Variants in KDM6A observed in about 807,000 individuals in gnomAD.
KDM6A encodes the protein lysine-specific demethylase 6A.
A neutral mutation model predicts 117.6 loss-of-function variants in KDM6A; 11 were observed. The observed-to-expected ratio is 0.09, with a 90% CI of 0.06 to 0.15. The LOEUF (loss-of-function observed/expected upper bound fraction) is 0.15, where lower values mean the gene tolerates loss of function less well. KDM6A is among the 10% of genes least tolerant of loss of function. KDM6A has a pLI of 1.00. For missense variants in KDM6A, 799 were observed against 1,077.3 expected, an observed-to-expected ratio of 0.74 and a Z score of 3.62; for synonymous variants, 384 against 396.1, an observed-to-expected ratio of 0.97 and a Z score of 0.36.
chrX:45,083,000 A>C (rs1476629198), intron 23 of KDM6A, among the ~76,000 whole-genome samples: 2 of 110,256 alleles, frequency 1.8e-5, no homozygotes, highest in African/African-American at 6.6e-5. Context: ...TGTGTTGCCC[A>C]GGCTTGTCTT....
chrX:45,062,618 A>G, intron 15 of KDM6A, 29 bp from the exon 16 acceptor site: 1 of 1,024,938 alleles, frequency 9.8e-7, no homozygotes, highest in African/African-American at 1.8e-5. Context: ...TATATCTTTG[A>G]CTATATTCTC....
intron 7 of KDM6A, among the ~76,000 whole-genome samples, chrX:45,035,221 AC>A (rs1243456389): frequency 1.8e-5 from 2 of 112,033 alleles, no homozygotes; most frequent in East Asian, 5.6e-4. Flanking sequence ...AAGTATCTTC[AC>A]TAATAAACAA....
intron 2 of KDM6A, among the ~76,000 whole-genome samples, chrX:44,944,074 G>A (rs997234050): frequency 9.0e-6 from 1 of 111,342 alleles, no homozygotes; most frequent in East Asian, 2.8e-4. Context: ...CATGTGGGCC[G>A]GGCATGGTGG....
At chrX:44,985,993 C>T (rs1038232598) in intron 4 of KDM6A, among the ~76,000 whole-genome samples, 2 of 111,806 alleles carry the variant, frequency 1.8e-5, no homozygotes, top group Admixed American at 9.5e-5. Flanking sequence ...GGTACCAGCT[C>T]GTCCTTGTAC....
rs1393617719 is a variant in KDM6A, at chrX:44,959,713, T to G, written c.226-1571T>G. Among the ~76,000 whole-genome samples the G allele has an allele frequency of 3.6e-5, 4 of 111,759 alleles. No homozygotes were observed. The Admixed American group carries it at 3.8e-4, about 11-fold the overall frequency. On this transcript the variant is annotated intron_variant, in intron 2 of 29. Coordinates refer to ENST00000611820, the MANE Select transcript of KDM6A (RefSeq NM_001291415.2). ...TATAAAGCACTGTAATAAATTGTAT[T>G]TTTATACTCTAGCCATCTGCCAGAT...
intron 3 of KDM6A, among the ~76,000 whole-genome samples, chrX:44,961,936 T>C (rs1449854010): frequency 1.8e-5 from 2 of 111,511 alleles, no homozygotes; most frequent in Non-Finnish European, 3.8e-5. Context: ...CCCCTAAGAT[T>C]TGCCCTTTTT....
intron 27 of KDM6A, among the ~76,000 whole-genome samples, chrX:45,093,374 C>T (rs1401718375): frequency 1.2e-5 from 1 of 85,808 alleles, no homozygotes; most frequent in Non-Finnish European, 2.3e-5. Context: ...GACTCTCTCT[C>T]AAAAAAAAAA....
chrX:44,987,308 C>T (rs1297924721), intron 4 of KDM6A, among the ~76,000 whole-genome samples: 2 of 111,329 alleles, frequency 1.8e-5, no homozygotes, highest in South Asian at 7.5e-4. Flanking sequence ...TGTCTCTGCA[C>T]ATGAGATGGG....
chrX:44,931,079 T>C (rs760265513), intron 2 of KDM6A, among the ~76,000 whole-genome samples: 2 of 111,118 alleles, frequency 1.8e-5, no homozygotes, highest in Non-Finnish European at 3.8e-5. Context: ...CTACTTTTTT[T>C]TTCTTTTTTT....
rs190501684 is a variant in KDM6A at position 44,888,358 on chromosome X, A to G, written c.225+14371A>G. Among the ~76,000 whole-genome samples the G allele has an allele frequency of 3.6e-5, 4 of 112,202 alleles. No homozygotes were observed. In the Admixed American group the frequency reaches 3.8e-4, roughly 11 times the overall value. ...GTTTTAGGACCTGCTGTGTATTTCA[A>G]TCACTTAATTTTTATGTTTCACCAG... On this transcript the variant is annotated intron_variant, in intron 2 of 29. Transcript: ENST00000611820.
chrX:44,987,964 G>T (rs112804775), intron 4 of KDM6A, among the ~76,000 whole-genome samples: 3 of 111,208 alleles, frequency 2.7e-5, no homozygotes, highest in African/African-American at 9.9e-5. Flanking sequence ...TGCCTTGCTA[G>T]ATTGTGGAAA....
chrX:44,929,248 T>G (rs905972873), intron 2 of KDM6A, among the ~76,000 whole-genome samples: 1 of 109,826 alleles, frequency 9.1e-6, no homozygotes, highest in African/African-American at 3.3e-5. Flanking sequence ...AGGGACTTTT[T>G]TTTTTTTTTT....
At chrX:44,964,693 T>C (rs1316964401) in intron 3 of KDM6A, among the ~76,000 whole-genome samples, 1 of 111,860 alleles carries the variant, frequency 8.9e-6, no homozygotes, top group Non-Finnish European at 1.9e-5. Context: ...TGAACAGATG[T>C]GCTGTCATTC....
rs907550347 is a variant in KDM6A, at chrX:44,980,245, C to T, written c.384+5530C>T. ...TCCTGGCCTCGTGATCCGCCTGCCT[C>T]GGCCTCCCAAAGTGCTGGGATTATA... On this transcript the variant is annotated intron_variant, in intron 4 of 29. Coordinates refer to ENST00000611820, the MANE Select transcript of KDM6A (RefSeq NM_001291415.2). Among the ~76,000 whole-genome samples, 39 of 111,261 alleles carry T rather than the reference C, an allele frequency of 3.5e-4. No individual in the cohort carries two copies. In the Admixed American group the frequency reaches 3.6e-3, roughly 10 times the overall value.
At chrX:44,942,921 CT>C (rs777549688) in intron 2 of KDM6A, among the ~76,000 whole-genome samples, 1 of 110,863 alleles carries the variant, frequency 9.0e-6, no homozygotes, top group East Asian at 2.8e-4. Context: ...TTAATTTCAA[CT>C]TTTAACTTGC....
chrX:45,087,753 T>A, intron 25 of KDM6A, among the ~76,000 whole-genome samples: 1 of 111,682 alleles, frequency 9.0e-6, no homozygotes, highest in East Asian at 2.8e-4. Flanking sequence ...AGAGGTGTCT[T>A]GGGAAAAAAG....
chrX:44,914,733 A>G (rs1380888729), intron 2 of KDM6A, among the ~76,000 whole-genome samples: 2 of 110,690 alleles, frequency 1.8e-5, no homozygotes, highest in African/African-American at 6.6e-5. Context: ...GATGTAATTC[A>G]AAGTTTTCTC....
chrX:44,889,079 A>G (rs112861261), intron 2 of KDM6A, among the ~76,000 whole-genome samples: 19,145 of 111,345 alleles, frequency 0.17, 2,367 homozygotes, highest in African/African-American at 0.44. Context: ...GCAGTGGCAC[A>G]ATCTTGGCTC....
At chrX:45,025,281 G>C (rs1299685386) in intron 6 of KDM6A, among the ~76,000 whole-genome samples, 1 of 111,185 alleles carries the variant, frequency 9.0e-6, no homozygotes, top group Non-Finnish European at 1.9e-5. Flanking sequence ...TCCTGTCTCA[G>C]CCTCCCGAGT....
Sources: gnomAD v4.1 joint callset for allele counts (sites outside exome capture counted in the v4.1 genomes callset) on GRCh38, gnomAD v4.1.1 for gene constraint, MANE v1.5 for transcripts, NCBI Gene and HGNC (gene_info 2026-07-23, HGNC 2026-07-21) for gene names.